FMO1: variants seen among roughly 807,000 people sequenced by gnomAD.
The protein encoded by FMO1 is flavin containing dimethylaniline monoxygenase 1.
A neutral mutation model predicts 45.4 loss-of-function variants in FMO1; 36 were observed. The ratio of observed to expected loss-of-function variants is 0.79; its 90% CI spans 0.61 to 1.05. FMO1 has a LOEUF of 1.05. Among genes scored for constraint, FMO1 ranks in the 50% least tolerant of loss-of-function variants. The pLI is 0.00. For synonymous variants in FMO1, 228 were observed against 227.2 expected (o/e 1.00, Z -0.03); for missense variants, 615 against 640.3 (o/e 0.96, Z 0.43).
intron 3 of FMO1, 139 bp from the exon 4 acceptor site, chr1:171,275,207 G>A (rs1661057314): frequency 3.3e-6 from 2 of 604,686 alleles, no homozygotes; most frequent in Non-Finnish European, 5.5e-6. Flanking sequence ...CCGGTAACCT[G>A]ATTAGGTTTC....
intron 4 of FMO1, among the ~76,000 whole-genome samples, chr1:171,277,168 C>G (rs1020550324): frequency 1.3e-5 from 2 of 152,296 alleles, no homozygotes; most frequent in African/African-American, 4.8e-5. Context: ...GTTCTCCCAA[C>G]CTCTCTATCT....
chr1:171,257,083 A>C (rs1286633207), intron 1 of FMO1, among the ~76,000 whole-genome samples: 1 of 152,244 alleles, frequency 6.6e-6, no homozygotes, highest in Non-Finnish European at 1.5e-5. Context: ...AGCTATTCTG[A>C]GACGCCTTAC....
At chr1:171,267,329 C>T (rs1660656797) in intron 2 of FMO1, among the ~76,000 whole-genome samples, 1 of 152,196 alleles carries the variant, frequency 6.6e-6, no homozygotes, top group African/African-American at 2.4e-5. Context: ...ATACTCTGAA[C>T]CATCTTCTCC....
chr1:171,270,910 T>G, intron 3 of FMO1: 1 of 740,866 alleles, frequency 1.3e-6, no homozygotes, highest in South Asian at 1.7e-5. Flanking sequence ...ACAGTAGGGT[T>G]AAATGCTTTA....
Position 171,280,899 on chromosome 1 carries a change from C to T in FMO1, c.741C>T (p.Leu247=), listed in dbSNP as rs766034865. 2 of 1,613,994 alleles carry T rather than the reference C, an allele frequency of 1.2e-6. No individual in the cohort carries two copies. The highest frequency in any genetic ancestry group is 1.7e-6 in the Non-Finnish European group (2 of 1,179,886). The change falls in exon 6 of 9, where the codon CTC becomes CTT. Residue 247 remains leucine (L), a synonymous_variant. Transcript: ENST00000617670. ...TTCAGAACATGTTGAGAAATTCCCT[C>T]CCAACCCCAATTGTGACTTGGTTGA... is the stretch of plus-strand genomic sequence containing the variant. ...TRFQNMLRNS[L]PTPIVTWLME...
chr1:171,275,688 C>T (rs558452304), intron 4 of FMO1, among the ~76,000 whole-genome samples, 180 bp downstream of exon 4: 7 of 151,978 alleles, frequency 4.6e-5, no homozygotes, highest in African/African-American at 1.7e-4. Context: ...CAGTTTTTGG[C>T]TTTCATTTGT....
rs539665092 is a variant in FMO1 at position 171,285,779 on chromosome 1, G to A, written c.*235G>A. 1 of 347,602 alleles carries A rather than the reference G, an allele frequency of 2.9e-6. No homozygotes were observed. The highest frequency in any genetic ancestry group is 4.3e-5 in the East Asian group (1 of 23,152). 21.5% of individuals were successfully genotyped at this position (347,602 alleles called of 1,614,324 possible). A position where few individuals can be genotyped will look rare whatever the true frequency, so the allele number is the denominator to read the frequency against. ...CTGTGCATTTGAAGGTTGTTGGAAA[G>A]TTACAGGTTCATTTTAGAAAGAAAG... On this transcript the variant is annotated 3_prime_UTR_variant, in exon 9 of 9. Coordinates refer to ENST00000617670, the MANE Select transcript of FMO1 (RefSeq NM_001282693.2).
chr1:171,269,705 T>C (rs1660769366), intron 3 of FMO1, among the ~76,000 whole-genome samples: 1 of 152,056 alleles, frequency 6.6e-6, no homozygotes, highest in Non-Finnish European at 1.5e-5. Flanking sequence ...AAGCAGATAA[T>C]CATGACTAAT....
intron 1 of FMO1, among the ~76,000 whole-genome samples, chr1:171,256,371 G>A (rs1660159058): frequency 6.6e-6 from 1 of 150,550 alleles, no homozygotes; most frequent in African/African-American, 2.4e-5. Context: ...ATATCACCAA[G>A]TTGACTCATG....
intron 5 of FMO1, among the ~76,000 whole-genome samples, chr1:171,280,492 T>C (rs2101840289): frequency 6.6e-6 from 1 of 152,340 alleles, no homozygotes; most frequent in Admixed American, 6.5e-5. Flanking sequence ...CACCTGTTCA[T>C]TGTTTTCTTA....
intron 7 of FMO1, chr1:171,282,698 G>A (rs750061090): frequency 3.1e-5 from 7 of 222,756 alleles, no homozygotes; most frequent in Non-Finnish European, 4.4e-5. Flanking sequence ...GATTACTGCA[G>A]CCTCAAACTC....
chr1:171,267,592 A>G lies in FMO1; in HGVS notation c.182A>G (p.Asn61Ser), dbSNP rs1423632702. 4.3e-6 allele frequency: 7 copies of G among 1,613,744 alleles called. No individual in the cohort carries two copies. The highest frequency in any genetic ancestry group is 2.2e-5 in the East Asian group (1 of 44,868). ...RASLYKSVVS[N>S]SCKEMSCYSD... Reference sequence around the variant, plus strand: ...AGTCTCTACAAGTCTGTGGTTTCCAACAGCTGCAAGGAGATGTCTTGTTAC... The same window carrying G: ...AGTCTCTACAAGTCTGTGGTTTCCAGCAGCTGCAAGGAGATGTCTTGTTAC... The change falls in exon 3 of 9, where the codon AAC becomes AGC. Residue 61 changes from asparagine to serine, a missense_variant. Coordinates refer to ENST00000617670, the MANE Select transcript of FMO1 (RefSeq NM_001282693.2).
In FMO1 at chr1:171,280,750, AGT is replaced by A. The variant is rs755598210; in HGVS notation, c.628-33_628-32del. 350 of 1,571,018 alleles carry A rather than the reference AGT, an allele frequency of 2.2e-4. 1 individual carries two copies. Among genetic ancestry groups the A allele is most frequent in the Admixed American group, 5.7e-4 (34 of 59,844 alleles). On this transcript the variant is annotated intron_variant, in intron 5 of 8. Transcript: ENST00000617670. ...GGCAGAACCAGCCAGCCGTGTTCAC[AGT>A]GTCAAATGAAGGGATGTCTTTGATT...
In FMO1 at chr1:171,285,736, G is replaced by A. The variant is rs1404072685; in HGVS notation, c.*192G>A. ...TCCCAGCTCCACTTCTAATGCTAGA[G>A]AATGATAACTAAGACTTCTGTGCAT... On this transcript the variant is annotated 3_prime_UTR_variant, in exon 9 of 9. Coordinates refer to ENST00000617670, the MANE Select transcript of FMO1 (RefSeq NM_001282693.2). 5.0e-6 allele frequency: 2 copies of A among 396,884 alleles called. No individual in the cohort carries two copies. Among genetic ancestry groups the A allele is most frequent in the East Asian group, 7.3e-5 (2 of 27,426 alleles). The allele number at this position is 396,884 out of a possible 1,614,324, so 24.6% of individuals were successfully genotyped here.
rs1478230173 is a variant in FMO1, at chr1:171,275,496, G to T, written c.472G>T (p.Asp158Tyr). Residue 158 changes from aspartate to tyrosine, a missense_variant, in exon 4 of 9, where the codon GAT becomes TAT. By Grantham distance (160) the Asp-to-Tyr change is radical (BLOSUM62 -3). Transcript: ENST00000617670. Reference protein sequence around the residue: ...GFLTNPYLPLDSFPGINAFKG... With the variant: ...GFLTNPYLPLYSFPGINAFKG... Reference sequence around the variant, plus strand: ...TCTTACTAATCCTTATTTGCCACTGGATTCCTTTCCAGGTACAGCATTTTC... The same window carrying T: ...TCTTACTAATCCTTATTTGCCACTGTATTCCTTTCCAGGTACAGCATTTTC... The T allele has an allele frequency of 1.9e-6, 3 of 1,609,666 alleles. No individual in the cohort carries two copies. In the African/African-American group the frequency reaches 4.0e-5, roughly 22 times the overall value.
At chr1:171,258,734 A>G (rs976806036) in intron 2 of FMO1, among the ~76,000 whole-genome samples, 1 of 152,220 alleles carries the variant, frequency 6.6e-6, no homozygotes, top group Admixed American at 6.5e-5. Flanking sequence ...GCAGGCCAAG[A>G]ACAAACAGAA....
At chr1:171,274,629 G>C (rs1314066545) in intron 3 of FMO1, among the ~76,000 whole-genome samples, 2 of 152,112 alleles carry the variant, frequency 1.3e-5, no homozygotes, top group African/African-American at 4.8e-5. Flanking sequence ...AACCCATTAA[G>C]AGGGACTTAA....
intron 1 of FMO1, among the ~76,000 whole-genome samples, chr1:171,249,438 G>C (rs772514995): frequency 1.4e-4 from 21 of 152,126 alleles, no homozygotes; most frequent in Non-Finnish European, 2.8e-4. Flanking sequence ...GAACATTTGA[G>C]TAAATGAGGA....
Position 171,282,111 on chromosome 1 carries a change from C to T in FMO1, c.961C>T (p.Pro321Ser). 6.2e-7 allele frequency: 1 copy of T among 1,613,780 alleles called. No homozygotes were observed. Among genetic ancestry groups the T allele is most frequent in the Non-Finnish European group, 8.5e-7 (1 of 1,179,732 alleles). Residue 321 changes from proline to serine, a missense_variant, in exon 7 of 9, where the codon CCT becomes TCT. Transcript: ENST00000617670. ...ATTTAACAATACTTCAAAGGAAGAG[C>T]CTATTGACATCATTGTCTTTGCCAC... ...VIFNNTSKEE[P>S]IDIIVFATGY...
Sources: gnomAD v4.1 joint callset for allele counts (sites outside exome capture counted in the v4.1 genomes callset) on GRCh38, gnomAD v4.1.1 for gene constraint, MANE v1.5 for transcripts, NCBI Gene and HGNC (gene_info 2026-07-23, HGNC 2026-07-21) for gene names.